The following USP20 variants were observed in gnomAD, a reference collection of about 807,000 sequenced individuals.
USP20 encodes ubiquitin carboxyl-terminal hydrolase 20.
USP20 carries 80 observed loss-of-function variants against 124.2 expected under a neutral mutation model. The ratio of observed to expected loss-of-function variants is 0.64; its 90% CI spans 0.54 to 0.78. The LOEUF is 0.78. USP20 is among the 30% of genes least tolerant of loss of function. The pLI, the probability that USP20 is intolerant of heterozygous loss-of-function variation, is 0.00. For missense variants in USP20, 1,043 were observed against 1,244.4 expected (o/e 0.84, Z 2.44); for synonymous variants, 481 against 512.3 (o/e 0.94, Z 0.83).
intron 3 of USP20, 110 bp downstream of exon 3, chr9:129,852,746 T>C (rs2032994817): frequency 2.7e-6 from 3 of 1,121,818 alleles, no homozygotes; most frequent in Non-Finnish European, 3.8e-6. Flanking sequence ...CAGTCTCTGC[T>C]CAGCTTTCTG....
chr9:129,836,191 C>T (rs987725242), intron 1 of USP20, among the ~76,000 whole-genome samples: 1 of 152,192 alleles, frequency 6.6e-6, no homozygotes, highest in African/African-American at 2.4e-5. Flanking sequence ...TACCTAAATG[C>T]ATAAATAATG....
chr9:129,876,037 T>G, intron 21 of USP20, 93 bp from the exon 22 acceptor site: 1 of 1,178,950 alleles, frequency 8.5e-7, no homozygotes, highest in Non-Finnish European at 1.2e-6. Flanking sequence ...GAGGGGGCAC[T>G]GATGGCTTGA....
intron 6 of USP20, 71 bp downstream of exon 6, chr9:129,858,669 C>T: frequency 6.3e-7 from 1 of 1,579,978 alleles, no homozygotes; most frequent in Admixed American, 1.9e-5. Context: ...GTGACCTGAG[C>T]ATCCGTGGAG....
rs185192555 is a variant in USP20, at chr9:129,850,653, T to G, written c.-17+729T>G. 2.1e-5 allele frequency among the ~76,000 whole-genome samples: 3 copies of G among 139,844 alleles called. No homozygotes were observed. In the East Asian group the frequency reaches 5.9e-4, roughly 27 times the overall value. The allele number at this position is 139,844 out of a possible 152,430, so 91.7% of individuals were successfully genotyped here. On this transcript the variant is annotated intron_variant, in intron 2 of 25. Transcript: ENST00000372429. Reference sequence around the variant, plus strand: ...GCTTCTGCCTTTGTTTTTTGTTTTTTGTGTGTGTGTGTGTGTTTTGGGATG... The same window carrying G: ...GCTTCTGCCTTTGTTTTTTGTTTTTGGTGTGTGTGTGTGTGTTTTGGGATG...
chr9:129,846,243 A>ATTTTTTTTTTTTTTT (rs1270846866), intron 1 of USP20, among the ~76,000 whole-genome samples: 1 of 36,006 alleles, frequency 2.8e-5, no homozygotes, highest in African/African-American at 8.6e-5. Context: ...ATATATATAT[A>ATTTTTTTTTTTTTTT]TATATTTTTT....
intron 17 of USP20, 147 bp from the exon 18 acceptor site, chr9:129,874,429 C>A: frequency 9.6e-7 from 1 of 1,044,716 alleles, no homozygotes; most frequent in Middle Eastern, 2.8e-4. Flanking sequence ...TAGAGCGAGC[C>A]CAGTCTGGCC....
intron 1 of USP20, among the ~76,000 whole-genome samples, chr9:129,845,054 G>T (rs1035017557): frequency 6.6e-6 from 1 of 152,078 alleles, no homozygotes; most frequent in African/African-American, 2.4e-5. Context: ...TCATAACCTG[G>T]TCTCTAAATA....
At chr9:129,867,870 G>T (rs537964259) in intron 10 of USP20, 135 bp from the exon 11 acceptor site, 6 of 1,073,730 alleles carry the variant, frequency 5.6e-6, no homozygotes, top group Non-Finnish European at 7.8e-6. Flanking sequence ...CGCTGTGGGG[G>T]TGAGCAACTC....
intron 23 of USP20, 50 bp downstream of exon 23, chr9:129,878,490 A>G (rs557682379): frequency 1.0e-5 from 15 of 1,485,490 alleles, no homozygotes; most frequent in African/African-American, 1.4e-5. Flanking sequence ...GCCTCCTGGG[A>G]GATGGGATGC....
At chr9:129,860,799 T>C in intron 6 of USP20, 138 bp from the exon 7 acceptor site, 1 of 818,716 alleles carries the variant, frequency 1.2e-6, no homozygotes, top group Non-Finnish European at 2.0e-6. Context: ...TCACAGTACC[T>C]TCTGCTCAGC....
chr9:129,853,252 A>G (rs940998893), intron 3 of USP20, among the ~76,000 whole-genome samples: 3 of 151,610 alleles, frequency 2.0e-5, no homozygotes, highest in Non-Finnish European at 4.4e-5. Context: ...CCTTTCTTAC[A>G]TAAAAGATGG....
chr9:129,873,532 C>T lies in USP20; in HGVS notation c.1694+17C>T, dbSNP rs923958816. 1.2e-6 allele frequency: 2 copies of T among 1,614,086 alleles called. No homozygotes were observed. Among genetic ancestry groups the T allele is most frequent in the Admixed American group, 1.7e-5 (1 of 60,000 alleles). On this transcript the variant is annotated intron_variant, in intron 16 of 25. Transcript: ENST00000372429. The stretch of plus-strand genomic sequence containing the variant: ...GTGTAAGAAGTAAGTGAGCCTTCCC[C>T]CGCCTTCTCCCTAACTGCCGTTTCT...
intron 12 of USP20, 105 bp from the exon 13 acceptor site, chr9:129,869,205 G>A (rs1401100762): frequency 1.5e-6 from 2 of 1,348,760 alleles, no homozygotes; most frequent in South Asian, 1.3e-5. Flanking sequence ...CCAGTCATGT[G>A]ACTCACGGAT....
chr9:129,839,163 C>T lies in USP20; in HGVS notation c.-129+3664C>T, dbSNP rs2032048080. 6.6e-6 allele frequency among the ~76,000 whole-genome samples: 1 copy of T among 152,168 alleles called. No homozygotes were observed. Among genetic ancestry groups the T allele is most frequent in the Admixed American group, 6.5e-5 (1 of 15,274 alleles). On this transcript the variant is annotated intron_variant, in intron 1 of 25. Transcript: ENST00000372429. The surrounding 1 kb of genome is among the most constrained non-coding windows in gnomAD (Gnocchi z 4.5). ...GTCGTGGGTTCGAATTTTGGTTCTG[C>T]AGCTCAGTAGCTGTGTGACCTTAGC...
chr9:129,860,889 C>T (rs201078645), intron 6 of USP20, 48 bp from the exon 7 acceptor site: 1 of 1,595,094 alleles, frequency 6.3e-7, no homozygotes, highest in Non-Finnish European at 8.6e-7. Context: ...GGCCTCTGAC[C>T]CCAGCCCCTC....
intron 1 of USP20, among the ~76,000 whole-genome samples, chr9:129,843,517 CT>C (rs1554741890): frequency 1.3e-5 from 2 of 151,872 alleles, no homozygotes; most frequent in Non-Finnish European, 2.9e-5. Flanking sequence ...GGCGGATCAC[CT>C]GAGATCAGGA....
At chr9:129,871,998 G>C (rs891958937) in intron 15 of USP20, among the ~76,000 whole-genome samples, 2 of 152,108 alleles carry the variant, frequency 1.3e-5, no homozygotes, top group African/African-American at 2.4e-5. Context: ...TTACCGGCGT[G>C]AGCCACCGCA....
chr9:129,846,241 ATATATAT>A (rs1163346477), intron 1 of USP20, among the ~76,000 whole-genome samples: 1 of 26,494 alleles, frequency 3.8e-5, no homozygotes, highest in African/African-American at 9.7e-5. Context: ...ATATATATAT[ATATATAT>A]TTTTTTTTTT....
At chr9:129,865,186 C>G in intron 9 of USP20, 117 bp from the exon 10 acceptor site, 1 of 1,096,200 alleles carries the variant, frequency 9.1e-7, no homozygotes, top group East Asian at 2.4e-5. Flanking sequence ...AGGCCCCTCC[C>G]CAAATGTCAG....
Sources: allele counts gnomAD v4.1 joint callset (sites outside exome capture counted in the v4.1 genomes callset), GRCh38; gene constraint gnomAD v4.1.1; non-coding constraint Gnocchi (gnomAD v3.1); transcripts MANE v1.5; gene names NCBI Gene and HGNC (gene_info 2026-07-23, HGNC 2026-07-21).